The following KCNIP1 variants were observed in gnomAD, a reference collection of about 807,000 sequenced individuals.
KCNIP1 encodes A-type potassium channel modulatory protein KCNIP1.
A neutral mutation model predicts 33.0 loss-of-function variants in KCNIP1; 18 were observed. The observed-to-expected ratio is 0.55, with a 90% CI of 0.38 to 0.81. The LOEUF is 0.81. KCNIP1 is among the 30% of genes least tolerant of loss of function. The pLI is 0.00. For missense variants in KCNIP1, 238 were observed against 271.6 expected, an observed-to-expected ratio of 0.88 and a Z score of 0.87; for synonymous variants, 93 against 98.3, an observed-to-expected ratio of 0.95 and a Z score of 0.32.
chr5:170,735,174 G>A (rs371778102), intron 7 of KCNIP1, among the ~76,000 whole-genome samples: 26 of 152,224 alleles, frequency 1.7e-4, no homozygotes, highest in East Asian at 3.9e-4. Flanking sequence ...GAAAGAGAGC[G>A]CTTTGGGGGG....
At chr5:170,726,745 C>CA (rs57173351) in intron 5 of KCNIP1, among the ~76,000 whole-genome samples, 1,966 of 56,658 alleles carry the variant, frequency 0.035, 25 homozygotes, top group Non-Finnish European at 0.04. Flanking sequence ...ACTAAAAATA[C>CA]AAAAAAAAAA....
chr5:170,498,067 C>T (rs1211884872), intron 1 of KCNIP1, among the ~76,000 whole-genome samples: 2 of 152,228 alleles, frequency 1.3e-5, no homozygotes, highest in Non-Finnish European at 2.9e-5. Flanking sequence ...AGGATGCAGC[C>T]AGGGAGAGCT....
chr5:170,675,653 C>T (rs1315223450), intron 1 of KCNIP1, among the ~76,000 whole-genome samples: 1 of 152,140 alleles, frequency 6.6e-6, no homozygotes, highest in Non-Finnish European at 1.5e-5. Context: ...AAGTTGACAC[C>T]ACTAAAAACA....
At chr5:170,702,951 C>T (rs1036141518) in intron 1 of KCNIP1, among the ~76,000 whole-genome samples, 3 of 146,888 alleles carry the variant, frequency 2.0e-5, no homozygotes, top group East Asian at 2.5e-4. Flanking sequence ...GTCTTCTCTT[C>T]GGTAAAATGA....
At position 170,733,823 on chromosome 5, in the gene KCNIP1, T is replaced by C; in HGVS notation, c.541-13T>C. ...ACCAGATTCTGTAAAGTGCTTTCTGTTATGTCTTTCAGAAAATGGACAAAA... is the reference window on the plus strand; with the variant it reads ...ACCAGATTCTGTAAAGTGCTTTCTGCTATGTCTTTCAGAAAATGGACAAAA... On this transcript the variant is annotated splice_polypyrimidine_tract_variant and intron_variant, in intron 6 of 7. Coordinates refer to ENST00000328939, the MANE Select transcript of KCNIP1 (RefSeq NM_014592.4). The C allele has an allele frequency of 6.2e-7, 1 of 1,608,698 alleles. No homozygotes were observed. Among genetic ancestry groups the C allele is most frequent in the East Asian group, 2.2e-5 (1 of 44,828 alleles).
intron 1 of KCNIP1, among the ~76,000 whole-genome samples, chr5:170,597,798 T>A (rs1208946128): frequency 1.8e-3 from 3 of 1,696 alleles, no homozygotes; most frequent in African/African-American, 2.5e-3. Flanking sequence ...TATATATATA[T>A]ATATATATAT....
chr5:170,628,857 C>A (rs949089370), intron 1 of KCNIP1, among the ~76,000 whole-genome samples: 2 of 152,208 alleles, frequency 1.3e-5, no homozygotes, highest in African/African-American at 4.8e-5. Context: ...CAGCTTTGGC[C>A]CCCAGCCCCC....
intron 1 of KCNIP1, among the ~76,000 whole-genome samples, chr5:170,371,163 T>C (rs1367990163): frequency 6.6e-6 from 1 of 152,120 alleles, no homozygotes; most frequent in Non-Finnish European, 1.5e-5. Context: ...GCTGCAACCA[T>C]GGTGTGCCTG....
At chr5:170,433,295 T>C (rs1755784926) in intron 1 of KCNIP1, among the ~76,000 whole-genome samples, 1 of 152,200 alleles carries the variant, frequency 6.6e-6, no homozygotes, top group Non-Finnish European at 1.5e-5. Context: ...CGGGCGATTC[T>C]CCTGCCTCAG....
intron 1 of KCNIP1, 58 bp from the exon 2 acceptor site, chr5:170,718,700 A>G (rs1763712563): frequency 6.2e-7 from 1 of 1,605,760 alleles, no homozygotes; most frequent in South Asian, 1.1e-5. Context: ...CCAGATTGTT[A>G]CCTAACAAGA....
intron 1 of KCNIP1, among the ~76,000 whole-genome samples, chr5:170,717,479 C>T (rs13175202): frequency 0.034 from 5,109 of 152,132 alleles, 99 homozygotes; most frequent in Middle Eastern, 0.071. Flanking sequence ...TATGTATTGC[C>T]CAGCACATGA....
At position 170,534,937 on chromosome 5, in the gene KCNIP1, C is replaced by T. The variant is rs149978511; in HGVS notation, c.61+30304C>T. Among the ~76,000 whole-genome samples, 454 of 152,098 alleles carry T rather than the reference C, an allele frequency of 3.0e-3. 4 individuals are homozygous for T. Among genetic ancestry groups the T allele is most frequent in the Non-Finnish European group, 5.4e-3 (366 of 67,998 alleles). ...GTGCAGCGGGCTGTGCTGGTTGCCT[C>T]GGTTTCCCAGAGTCTGATGAACATG... On this transcript the variant is annotated intron_variant, in intron 1 of 7. Coordinates refer to ENST00000328939, the MANE Select transcript of KCNIP1 (RefSeq NM_014592.4).
chr5:170,422,945 G>C (rs1755530149), intron 1 of KCNIP1: 1 of 152,278 alleles, frequency 6.6e-6, no homozygotes, highest in Non-Finnish European at 1.5e-5. Context: ...ACTCAGCTGA[G>C]CATGGTGGCA....
At chr5:170,557,968 G>A (rs980203324) in intron 1 of KCNIP1, among the ~76,000 whole-genome samples, 4 of 152,144 alleles carry the variant, frequency 2.6e-5, no homozygotes, top group African/African-American at 7.2e-5. Context: ...TATTATGGTG[G>A]CACTTATTTC....
chr5:170,555,064 G>A (rs1756797404), intron 1 of KCNIP1, among the ~76,000 whole-genome samples: 1 of 152,180 alleles, frequency 6.6e-6, no homozygotes, highest in African/African-American at 2.4e-5. Context: ...GGCAGGCGGA[G>A]CAGAATCACG....
intron 1 of KCNIP1, among the ~76,000 whole-genome samples, chr5:170,515,380 C>T (rs1477917953): frequency 1.3e-5 from 2 of 152,164 alleles, no homozygotes; most frequent in East Asian, 1.9e-4. Flanking sequence ...CCACTCTATA[C>T]GTTGGTCCAT....
chr5:170,473,240 T>C (rs1756776625), intron 1 of KCNIP1, among the ~76,000 whole-genome samples: 1 of 152,210 alleles, frequency 6.6e-6, no homozygotes, highest in Admixed American at 6.5e-5. Context: ...TTCTGAGAAT[T>C]GTTTATAATT....
chr5:170,445,289 G>T (rs1468212047), intron 1 of KCNIP1, among the ~76,000 whole-genome samples: 3 of 149,584 alleles, frequency 2.0e-5, no homozygotes, highest in Non-Finnish European at 4.5e-5. Context: ...AGATGCATGT[G>T]GATGCTCATT....
intron 1 of KCNIP1, among the ~76,000 whole-genome samples, chr5:170,451,307 C>G (rs970457010): frequency 2.0e-5 from 3 of 152,106 alleles, no homozygotes; most frequent in Admixed American, 6.5e-5. Flanking sequence ...GTCCTTCTAC[C>G]TTATAGATAA....
Sources: allele counts gnomAD v4.1 joint callset (sites outside exome capture counted in the v4.1 genomes callset), GRCh38; gene constraint gnomAD v4.1.1; transcripts MANE v1.5; gene names NCBI Gene and HGNC (gene_info 2026-07-23, HGNC 2026-07-21).